Variants in CNTN4 observed in about 807,000 individuals in gnomAD.
CNTN4 encodes the protein contactin-4.
Under a neutral mutation model 122.5 loss-of-function variants are expected in CNTN4, and 77 were observed. The observed-to-expected ratio is 0.63, with a 90% CI of 0.52 to 0.76. The LOEUF is 0.76. Among genes scored for constraint, CNTN4 ranks in the 30% least tolerant of loss-of-function variants. CNTN4 has a pLI of 0.00. For synonymous variants in CNTN4, 512 were observed against 447.0 expected (o/e 1.15, Z -1.83); for missense variants, 1,256 against 1,259.1 (o/e 1.00, Z 0.04).
At chr3:2,719,603 T>A (rs925380379) in intron 4 of CNTN4, among the ~76,000 whole-genome samples, 1 of 152,274 alleles carries the variant, frequency 6.6e-6, no homozygotes, top group East Asian at 1.9e-4. Context: ...TTTATATTTT[T>A]AGTAGAGACG....
intron 3 of CNTN4, among the ~76,000 whole-genome samples, chr3:2,433,234 G>T (rs2048141491): frequency 6.6e-6 from 1 of 152,086 alleles, no homozygotes; most frequent in Admixed American, 6.5e-5. Flanking sequence ...TTTCTGTATT[G>T]GCTTACTAAT....
intron 6 of CNTN4, among the ~76,000 whole-genome samples, chr3:2,756,259 G>C (rs866659359): frequency 1.3e-5 from 2 of 152,188 alleles, no homozygotes; most frequent in African/African-American, 4.8e-5. Flanking sequence ...ACCCCAGTGT[G>C]ATCATATGAG....
rs1288751600 is a variant in CNTN4 at position 2,666,866 on chromosome 3, G to T, written c.56-69349G>T. On this transcript the variant is annotated intron_variant, in intron 4 of 24. Transcript: ENST00000418658. Reference sequence around the variant, plus strand: ...TTTGGTTTTTTGTCTTTGTGATAGTGTGCTGAGAATGATGGTTTCCAGCTT... The same window carrying T: ...TTTGGTTTTTTGTCTTTGTGATAGTTTGCTGAGAATGATGGTTTCCAGCTT... Among the ~76,000 whole-genome samples the T allele has an allele frequency of 5.9e-5, 9 of 151,440 alleles. No individual in the cohort carries two copies. In the South Asian group the frequency reaches 6.3e-4, roughly 11 times the overall value.
At position 2,900,753 on chromosome 3, in the gene CNTN4, T is replaced by C. The variant is rs752506637; in HGVS notation, c.1009T>C (p.Cys337Arg). 1 of 1,613,948 alleles carries C rather than the reference T, an allele frequency of 6.2e-7. No homozygotes were observed. The highest frequency in any genetic ancestry group is 1.7e-5 in the Admixed American group (1 of 60,020). The change falls in exon 11 of 25, where the codon TGT becomes CGT. Residue 337 changes from cysteine (C) to arginine (R), a missense_variant. Physicochemically the swap from Cys to Arg is radical, Grantham distance 180. Coordinates refer to ENST00000418658, the MANE Select transcript of CNTN4 (RefSeq NM_175607.3). ...CATGGAAGAAAATGTCTTTTGGGAATGTAAAGCAAATGGAAGGCCTAAGCC... is the reference window on the plus strand; with the variant it reads ...CATGGAAGAAAATGTCTTTTGGGAACGTAAAGCAAATGGAAGGCCTAAGCC... ...VAMEENVFWE[C>R]KANGRPKPTY...
intron 2 of CNTN4, among the ~76,000 whole-genome samples, chr3:2,289,126 AC>A (rs1355858359): frequency 1.3e-5 from 2 of 152,210 alleles, no homozygotes; most frequent in African/African-American, 2.4e-5. Context: ...ATAGTTTTAA[AC>A]AGCTTCCCAA....
intron 2 of CNTN4, among the ~76,000 whole-genome samples, chr3:2,145,542 CAG>C (rs967982069): frequency 1.3e-5 from 2 of 152,088 alleles, no homozygotes; most frequent in African/African-American, 4.8e-5. Context: ...AGCAAGAAGA[CAG>C]ATAGGAAAGG....
At chr3:2,646,416 G>A (rs377750305) in intron 4 of CNTN4, among the ~76,000 whole-genome samples, 222 of 152,172 alleles carry the variant, frequency 1.5e-3, no homozygotes, top group East Asian at 1.9e-3. Flanking sequence ...TAGTTTCTTC[G>A]TGTGTAATTC....
intron 4 of CNTN4, among the ~76,000 whole-genome samples, chr3:2,708,352 G>C (rs963989113): frequency 6.6e-6 from 1 of 152,096 alleles, no homozygotes; most frequent in African/African-American, 2.4e-5. Context: ...ATCCAAATAC[G>C]ACTTAAAAGG....
chr3:2,892,684 A>C (rs1033502572), intron 10 of CNTN4, among the ~76,000 whole-genome samples: 1 of 152,218 alleles, frequency 6.6e-6, no homozygotes, highest in Admixed American at 6.5e-5. Context: ...GATATTTAAT[A>C]TCTTTGTACA....
chr3:2,533,082 C>G (rs2077659561), intron 3 of CNTN4, among the ~76,000 whole-genome samples: 1 of 150,500 alleles, frequency 6.6e-6, no homozygotes, highest in Non-Finnish European at 1.5e-5. Context: ...ATTAACCTCT[C>G]TGGACTTTGG....
intron 4 of CNTN4, among the ~76,000 whole-genome samples, chr3:2,715,388 G>A (rs752679878): frequency 1.3e-5 from 2 of 152,208 alleles, no homozygotes; most frequent in Non-Finnish European, 2.9e-5. Context: ...GCAGTATGGA[G>A]TATGATTAAG....
Position 2,728,387 on chromosome 3 carries a change from C to T in CNTN4, c.56-7828C>T, listed in dbSNP as rs2088391395. Among the ~76,000 whole-genome samples, 3 of 152,186 alleles carry T rather than the reference C, an allele frequency of 2.0e-5. No individual in the cohort carries two copies. In the South Asian group the frequency reaches 6.2e-4, roughly 32 times the overall value. ...GGACACAGTGTGCCCTACGTGTGCC[C>T]TTCTTGGAACATGCTGGTGGTGGAA... On this transcript the variant is annotated intron_variant, in intron 4 of 24. Coordinates refer to ENST00000418658, the MANE Select transcript of CNTN4 (RefSeq NM_175607.3).
intron 2 of CNTN4, among the ~76,000 whole-genome samples, chr3:2,147,172 C>G (rs1238700027): frequency 6.6e-6 from 1 of 152,104 alleles, no homozygotes; most frequent in African/African-American, 2.4e-5. Flanking sequence ...AGCCACTGTG[C>G]CTGGCCTCAT....
intron 2 of CNTN4, among the ~76,000 whole-genome samples, chr3:2,113,973 A>G (rs898689175): frequency 6.6e-6 from 1 of 152,228 alleles, no homozygotes; most frequent in Admixed American, 6.5e-5. Context: ...GAGTTCTTGC[A>G]TATACATATG....
chr3:2,353,403 G>A (rs552953073), intron 3 of CNTN4, among the ~76,000 whole-genome samples: 19 of 152,216 alleles, frequency 1.2e-4, no homozygotes, highest in African/African-American at 3.9e-4. Flanking sequence ...AGTGGCAACC[G>A]GGTCTGGTCC....
At position 3,016,684 on chromosome 3, in the gene CNTN4, T is replaced by G. The variant is rs190371999; in HGVS notation, c.1487-9418T>G. 2.6e-3 allele frequency among the ~76,000 whole-genome samples: 399 copies of G among 152,278 alleles called. 3 individuals carry two copies. The highest frequency in any genetic ancestry group is 6.8e-3 in the Middle Eastern group (2 of 294). On this transcript the variant is annotated intron_variant, in intron 14 of 24. Coordinates refer to ENST00000418658, the MANE Select transcript of CNTN4 (RefSeq NM_175607.3). ...TTAAATAGGTGCTTTATGCTACACATTTTGACCAGGCAGATCTAATAACTT... is the reference window on the plus strand; with the variant it reads ...TTAAATAGGTGCTTTATGCTACACAGTTTGACCAGGCAGATCTAATAACTT...
intron 2 of CNTN4, among the ~76,000 whole-genome samples, chr3:2,252,935 T>C (rs2040432136): frequency 6.6e-6 from 1 of 152,148 alleles, no homozygotes; most frequent in African/African-American, 2.4e-5. Flanking sequence ...AAGCTGATTT[T>C]TAATTTTTTT....
intron 13 of CNTN4, among the ~76,000 whole-genome samples, chr3:2,987,481 C>T (rs889679247): frequency 1.3e-5 from 2 of 151,930 alleles, no homozygotes; most frequent in Admixed American, 6.6e-5. Flanking sequence ...AGAAGGAGGG[C>T]GTGAAAGGGA....
At chr3:2,235,264 T>G (rs1054327715) in intron 2 of CNTN4, among the ~76,000 whole-genome samples, 4 of 152,200 alleles carry the variant, frequency 2.6e-5, no homozygotes, top group Admixed American at 1.3e-4. Flanking sequence ...TTATGCATAC[T>G]AGGATTATGC....
Sources: allele counts gnomAD v4.1 joint callset (sites outside exome capture counted in the v4.1 genomes callset), GRCh38; gene constraint gnomAD v4.1.1; transcripts MANE v1.5; gene names NCBI Gene and HGNC (gene_info 2026-07-23, HGNC 2026-07-21).